The following PIEZO2 variants were observed in gnomAD, a reference collection of about 807,000 sequenced individuals.
PIEZO2 encodes piezo type mechanosensitive ion channel component 2, also known as piezo-type mechanosensitive ion channel component 2.
In PIEZO2, 172 loss-of-function variants were observed where a neutral mutation model predicts 337.3. The observed-to-expected ratio is 0.51, with a 90% CI of 0.45 to 0.58. The LOEUF is 0.58. Ranked by LOEUF, PIEZO2 falls within the 20% of genes least tolerant of loss-of-function variation. PIEZO2 has a pLI of 0.00. For synonymous variants in PIEZO2, 1,251 were observed against 1,228.5 expected (o/e 1.02, Z -0.38); for missense variants, 3,028 against 3,391.3 (o/e 0.89, Z 2.66).
chr18:11,065,672 T>C (rs1356076053), intron 2 of PIEZO2, among the ~76,000 whole-genome samples: 2 of 152,212 alleles, frequency 1.3e-5, no homozygotes, highest in African/African-American at 4.8e-5. Context: ...ATGTACGAAG[T>C]TATGGCTGGG....
intron 4 of PIEZO2, among the ~76,000 whole-genome samples, chr18:10,910,944 C>T (rs973215429): frequency 2.6e-5 from 4 of 151,544 alleles, no homozygotes; most frequent in South Asian, 4.2e-4. Flanking sequence ...GTTCAAGATG[C>T]GTTTTCACAT....
chr18:10,939,026 T>C (rs1393748062), intron 3 of PIEZO2, among the ~76,000 whole-genome samples: 1 of 151,954 alleles, frequency 6.6e-6, no homozygotes, highest in Non-Finnish European at 1.5e-5. Context: ...TGGCAGAAGT[T>C]ACAGTGAGCC....
chr18:11,110,394 G>A lies in PIEZO2; in HGVS notation c.64+38131C>T, dbSNP rs1337443651. On this transcript the variant is annotated intron_variant, in intron 1 of 55. Coordinates refer to ENST00000674853, the MANE Select transcript of PIEZO2 (RefSeq NM_001378183.1). The surrounding 1 kb of genome is among the most constrained non-coding windows in gnomAD (Gnocchi z 4.2). ...GTAGAAAGATCATCCCACCCTGGGAGTTGGGCCTCCCCCGCATTCTGGCTG... is the reference window on the plus strand; with the variant it reads ...GTAGAAAGATCATCCCACCCTGGGAATTGGGCCTCCCCCGCATTCTGGCTG... Among the ~76,000 whole-genome samples, 3 of 152,252 alleles carry A rather than the reference G, an allele frequency of 2.0e-5. No homozygotes were observed. Among genetic ancestry groups the A allele is most frequent in the South Asian group, 2.1e-4 (1 of 4,832 alleles).
chr18:11,079,193 C>T (rs58386024), intron 1 of PIEZO2, among the ~76,000 whole-genome samples: 27,775 of 152,108 alleles, frequency 0.18, 3,073 homozygotes, highest in South Asian at 0.46. Context: ...ATCGTTCCAC[C>T]ATATATTTAC....
chr18:10,960,879 A>G (rs1345502860), intron 3 of PIEZO2, among the ~76,000 whole-genome samples: 6 of 152,190 alleles, frequency 3.9e-5, no homozygotes, highest in African/African-American at 1.4e-4. Context: ...AGAAGAGTTC[A>G]TTAAGAAACT....
intron 7 of PIEZO2, among the ~76,000 whole-genome samples, chr18:10,838,601 A>G (rs1242453228): frequency 1.3e-5 from 2 of 152,242 alleles, no homozygotes; most frequent in Non-Finnish European, 2.9e-5. Flanking sequence ...ATTCAGAACT[A>G]TGATTGGTGG....
chr18:11,063,286 T>C, intron 2 of PIEZO2, among the ~76,000 whole-genome samples: 1 of 70,624 alleles, frequency 1.4e-5, no homozygotes, highest in South Asian at 6.3e-4. Context: ...TGTTGTGGGG[T>C]GGGGGGAGTG....
chr18:11,059,339 C>T (rs1282289726), intron 2 of PIEZO2, among the ~76,000 whole-genome samples: 1 of 152,228 alleles, frequency 6.6e-6, no homozygotes, highest in African/African-American at 2.4e-5. Context: ...TAGAAAGAAA[C>T]TGCATCAACT....
chr18:11,144,983 T>C (rs1400404384), intron 1 of PIEZO2, among the ~76,000 whole-genome samples: 1 of 152,198 alleles, frequency 6.6e-6, no homozygotes, highest in African/African-American at 2.4e-5. Flanking sequence ...TCAAATCATA[T>C]ACCTAAAGAC....
Position 10,988,247 on chromosome 18 carries a change from A to G in PIEZO2, c.161-8587T>C, listed in dbSNP as rs1396424902. ...ACACAGTGCCATTTTGGAAGCAGAA[A>G]GACCAGGGTCTCACCAGACACCAAA... On this transcript the variant is annotated intron_variant, in intron 2 of 55. Transcript: ENST00000674853. This position sits in a 1 kb window ranked among gnomAD's most constrained non-coding sequence, Gnocchi z 4.8. Among the ~76,000 whole-genome samples, 1 of 152,178 alleles carries G rather than the reference A, an allele frequency of 6.6e-6. No homozygotes were observed. The highest frequency in any genetic ancestry group is 1.5e-5 in the Non-Finnish European group (1 of 68,032).
At chr18:10,989,106 T>G (rs922979668) in intron 2 of PIEZO2, among the ~76,000 whole-genome samples, 1 of 151,966 alleles carries the variant, frequency 6.6e-6, no homozygotes, top group African/African-American at 2.4e-5. Flanking sequence ...ACAAAAACAC[T>G]AATAATAATA....
intron 2 of PIEZO2, among the ~76,000 whole-genome samples, chr18:10,981,412 T>G (rs2034662532): frequency 6.6e-6 from 1 of 152,214 alleles, no homozygotes; most frequent in South Asian, 2.1e-4. Flanking sequence ...AATGCAAGAT[T>G]GTTTTCACTT....
chr18:10,878,802 T>A lies in PIEZO2; in HGVS notation c.330-7387A>T, dbSNP rs1033316323. ...GTTTTGAAAAAAAAAAAAAATCACA[T>A]AACCAGAACTACAGAAAGACCTGAA... On this transcript the variant is annotated intron_variant, in intron 4 of 55. Transcript: ENST00000674853. The surrounding 1 kb of genome is among the most constrained non-coding windows in gnomAD (Gnocchi z 4.3). 1.3e-5 allele frequency among the ~76,000 whole-genome samples: 2 copies of A among 149,890 alleles called. No homozygotes were observed. The highest frequency in any genetic ancestry group is 3.0e-5 in the Non-Finnish European group (2 of 67,700).
At chr18:11,014,183 G>A (rs2036000439) in intron 2 of PIEZO2, among the ~76,000 whole-genome samples, 3 of 151,478 alleles carry the variant, frequency 2.0e-5, no homozygotes, top group African/African-American at 7.3e-5. Context: ...TTAGTGGCGG[G>A]CACGTCACCC....
At chr18:10,951,306 G>T (rs550569394) in intron 3 of PIEZO2, among the ~76,000 whole-genome samples, 1 of 152,108 alleles carries the variant, frequency 6.6e-6, no homozygotes, top group South Asian at 2.1e-4. Context: ...AAGACCATCT[G>T]GTCTGTGACT....
At chr18:10,681,309 A>G (rs1567941678) in intron 51 of PIEZO2, among the ~76,000 whole-genome samples, 3 of 152,240 alleles carry the variant, frequency 2.0e-5, no homozygotes, top group African/African-American at 2.4e-5. Flanking sequence ...GAATGCACTC[A>G]TAAGCCAGTG....
intron 9 of PIEZO2, among the ~76,000 whole-genome samples, chr18:10,801,648 A>T (rs2039819746): frequency 1.1e-5 from 1 of 91,844 alleles, no homozygotes; most frequent in Non-Finnish European, 2.2e-5. Flanking sequence ...ATGTTTAGTT[A>T]TACAGCAGAT....
chr18:10,723,914 C>T (rs1220217635), intron 36 of PIEZO2, among the ~76,000 whole-genome samples: 1 of 152,108 alleles, frequency 6.6e-6, no homozygotes, highest in African/African-American at 2.4e-5. Flanking sequence ...AAGCATGGGG[C>T]CCTCAGACAT....
In PIEZO2 at chr18:11,111,318, TA is replaced by T. The variant is rs1395854936; in HGVS notation, c.64+37206del. On this transcript the variant is annotated intron_variant, in intron 1 of 55. Coordinates refer to ENST00000674853, the MANE Select transcript of PIEZO2 (RefSeq NM_001378183.1). The surrounding 1 kb of genome is among the most constrained non-coding windows in gnomAD (Gnocchi z 6.2). ...GGTATAGCCTGCAATCTCCTCTATT[TA>T]AACCCTCTATACATGGATTATCTAC... 6.6e-6 allele frequency among the ~76,000 whole-genome samples: 1 copy of T among 152,218 alleles called. No individual in the cohort carries two copies. The highest frequency in any genetic ancestry group is 2.4e-5 in the African/African-American group (1 of 41,466).
Sources: allele counts gnomAD v4.1 joint callset (sites outside exome capture counted in the v4.1 genomes callset), GRCh38; gene constraint gnomAD v4.1.1; non-coding constraint Gnocchi (gnomAD v3.1); transcripts MANE v1.5; gene names NCBI Gene and HGNC (gene_info 2026-07-23, HGNC 2026-07-21).